Variants in ZZEF1 observed in about 807,000 individuals in gnomAD.
ZZEF1 encodes the protein zinc finger ZZ-type and EF-hand domain containing 1.
A neutral mutation model predicts 342.8 loss-of-function variants in ZZEF1; 157 were observed. The ratio of observed to expected loss-of-function variants is 0.46; its 90% CI spans 0.40 to 0.52. The LOEUF is 0.52. Ranked by LOEUF, ZZEF1 falls within the 20% of genes least tolerant of loss-of-function variation. The pLI is 0.00. For missense variants in ZZEF1, 3,480 were observed against 3,725.6 expected (o/e 0.93, Z 1.72); for synonymous variants, 1,505 against 1,429.1 (o/e 1.05, Z -1.20).
At chr17:4,055,662 T>G (rs1275141185) in intron 33 of ZZEF1, among the ~76,000 whole-genome samples, 1 of 152,180 alleles carries the variant, frequency 6.6e-6, no homozygotes, top group Non-Finnish European at 1.5e-5. Context: ...ATTAGTAAAC[T>G]GGCACCTCAT....
At chr17:4,051,928 GT>G (rs2057056339) in intron 35 of ZZEF1, 42 bp downstream of exon 35, 1 of 1,564,894 alleles carries the variant, frequency 6.4e-7, no homozygotes, top group African/African-American at 1.4e-5. Flanking sequence ...GTGAAGGAAC[GT>G]GTAAATAAAA....
chr17:4,067,232 C>G lies in ZZEF1; in HGVS notation c.4086G>C (p.Gly1362=). 6.8e-6 allele frequency: 11 copies of G among 1,612,934 alleles called. No individual in the cohort carries two copies. The highest frequency in any genetic ancestry group is 9.3e-6 in the Non-Finnish European group (11 of 1,179,580). The stretch of plus-strand genomic sequence containing the variant: ...ACTCTTCACTCAGGGCTATTTTGCC[C>G]CCACTGTTGACTGGGGAGAGAAGCA... ...YEKLQKYVNS[G]GKIALSEEFA... Residue 1362 remains glycine, a synonymous_variant, in exon 27 of 55, where the codon GGG becomes GGC. Coordinates refer to ENST00000381638, the MANE Select transcript of ZZEF1 (RefSeq NM_015113.4).
chr17:4,036,933 C>T (rs1461025485), intron 39 of ZZEF1, among the ~76,000 whole-genome samples: 3 of 151,386 alleles, frequency 2.0e-5, no homozygotes, highest in African/African-American at 4.8e-5. Context: ...GCCATTTCAA[C>T]ATACTATCCT....
At chr17:4,046,970 T>A (rs1039930618) in intron 37 of ZZEF1, among the ~76,000 whole-genome samples, 8 of 152,190 alleles carry the variant, frequency 5.3e-5, no homozygotes, top group Admixed American at 4.6e-4. Context: ...GGGGCCCCAA[T>A]GGGATACAGT....
At chr17:4,072,848 T>C (rs906485328) in intron 24 of ZZEF1, 92 bp from the exon 25 acceptor site, 91 of 1,312,246 alleles carry the variant, frequency 6.9e-5, no homozygotes, top group Non-Finnish European at 8.5e-5. Flanking sequence ...AAAAAAACCA[T>C]GGATACTATT....
intron 30 of ZZEF1, among the ~76,000 whole-genome samples, chr17:4,062,131 T>C (rs760767143): frequency 6.6e-6 from 1 of 152,132 alleles, no homozygotes; most frequent in Non-Finnish European, 1.5e-5. Context: ...GCCTCTGCAC[T>C]GTTCCTTCTG....
chr17:4,085,829 C>T, intron 15 of ZZEF1, 26 bp from the exon 16 acceptor site: 1 of 1,612,538 alleles, frequency 6.2e-7, no homozygotes, highest in South Asian at 1.1e-5. Context: ...ATGGCATCAG[C>T]TTTCATATAT....
intron 42 of ZZEF1, among the ~76,000 whole-genome samples, chr17:4,029,673 G>A (rs1369713154): frequency 1.3e-5 from 2 of 151,630 alleles, no homozygotes; most frequent in South Asian, 2.1e-4. Context: ...TCAGGAGTTC[G>A]AGACCAGCCT....
At chr17:4,033,035 A>C in intron 40 of ZZEF1, 33 bp from the exon 41 acceptor site, 1 of 1,534,650 alleles carries the variant, frequency 6.5e-7, no homozygotes, top group Non-Finnish European at 8.8e-7. Flanking sequence ...GGGGCAGTAC[A>C]CAGGGCTCCA....
chr17:4,013,425 G>A (rs1227051210), intron 52 of ZZEF1, 24 bp downstream of exon 52: 1 of 1,559,398 alleles, frequency 6.4e-7, no homozygotes, highest in Non-Finnish European at 8.7e-7. Context: ...CTGGCAAAGG[G>A]CTGCCATCCG....
intron 1 of ZZEF1, among the ~76,000 whole-genome samples, chr17:4,136,513 G>A (rs2058751709): frequency 6.6e-6 from 1 of 152,146 alleles, no homozygotes; most frequent in Non-Finnish European, 1.5e-5. Flanking sequence ...ACCAAAGTCA[G>A]CTGGCTTGAG....
intron 18 of ZZEF1, among the ~76,000 whole-genome samples, chr17:4,080,619 A>T (rs942054725): frequency 6.6e-5 from 10 of 152,034 alleles, no homozygotes; most frequent in African/African-American, 2.4e-4. Context: ...TGAACTCCCG[A>T]CCTCAGGTGA....
intron 53 of ZZEF1, chr17:4,009,398 A>C: frequency 3.0e-6 from 2 of 676,004 alleles, no homozygotes; most frequent in South Asian, 3.8e-5. Flanking sequence ...TAGGCCTGAC[A>C]AAATAAGCAA....
chr17:4,061,049 C>G (rs2057276900), intron 30 of ZZEF1, among the ~76,000 whole-genome samples: 1 of 152,342 alleles, frequency 6.6e-6, no homozygotes, highest in South Asian at 2.1e-4. Flanking sequence ...CCCTTTGAGG[C>G]CAAATTTCTT....
intron 1 of ZZEF1, among the ~76,000 whole-genome samples, chr17:4,132,424 T>C (rs2058674648): frequency 6.7e-6 from 1 of 149,752 alleles, no homozygotes; most frequent in Non-Finnish European, 1.5e-5. Flanking sequence ...CCTCAAGTGA[T>C]CCACCTGCCT....
chr17:4,049,976 C>G, intron 36 of ZZEF1, 117 bp from the exon 37 acceptor site: 8 of 1,195,878 alleles, frequency 6.7e-6, no homozygotes, highest in Non-Finnish European at 9.2e-6. Flanking sequence ...TCTGCACAAA[C>G]CAAATCCTAG....
chr17:4,047,474 TC>T (rs2056943826), intron 37 of ZZEF1, among the ~76,000 whole-genome samples: 1 of 151,932 alleles, frequency 6.6e-6, no homozygotes, highest in South Asian at 2.1e-4. Flanking sequence ...CAAAACCCCA[TC>T]CCTACAAAAA....
chr17:4,138,354 C>T (rs1193566051), intron 1 of ZZEF1, among the ~76,000 whole-genome samples: 1 of 152,206 alleles, frequency 6.6e-6, no homozygotes, highest in African/African-American at 2.4e-5. Flanking sequence ...AATATGAAGA[C>T]GAGCACAGGG....
At chr17:4,027,104 T>C (rs1376764194) in intron 42 of ZZEF1, among the ~76,000 whole-genome samples, 1 of 152,032 alleles carries the variant, frequency 6.6e-6, no homozygotes, top group East Asian at 1.9e-4. Flanking sequence ...GCTAATGTTT[T>C]CTCATTTTAA....
Sources: gnomAD v4.1 joint callset for allele counts (sites outside exome capture counted in the v4.1 genomes callset) on GRCh38, gnomAD v4.1.1 for gene constraint, MANE v1.5 for transcripts, NCBI Gene and HGNC (gene_info 2026-07-23, HGNC 2026-07-21) for gene names.